DHODH: variants seen among roughly 807,000 people sequenced by gnomAD.
DHODH encodes the protein dihydroorotate dehydrogenase (quinone), mitochondrial.
A neutral mutation model predicts 39.7 loss-of-function variants in DHODH; 30 were observed. The observed-to-expected ratio is 0.76, with a 90% CI of 0.57 to 1.02. The LOEUF (loss-of-function observed/expected upper bound fraction) is 1.02, where lower values mean the gene tolerates loss of function less well. DHODH is among the 50% of genes least tolerant of loss of function. The pLI is 0.00. For missense variants in DHODH, 531 were observed against 520.8 expected (o/e 1.02, Z -0.19); for synonymous variants, 222 against 213.8 (o/e 1.04, Z -0.34).
chr16:72,022,503 G>T, intron 6 of DHODH, 28 bp downstream of exon 6: 1 of 1,531,482 alleles, frequency 6.5e-7, no homozygotes, highest in Non-Finnish European at 8.8e-7. Context: ...GGCCCAGGGT[G>T]TGCCTCCCAT....
At position 72,023,006 on chromosome 16, in the gene DHODH, T is replaced by C. The variant is rs142930550; in HGVS notation, c.820-159T>C. 1.9e-4 allele frequency among the ~76,000 whole-genome samples: 29 copies of C among 152,312 alleles called. No individual in the cohort carries two copies. In the South Asian group the frequency reaches 3.1e-3, roughly 16 times the overall value. ...GTCATGTTATGGCTCATTCTAAAAC[T>C]TGTTGAGGAAAAGATGAGTAGTGAG... On this transcript the variant is annotated intron_variant, in intron 6 of 8. Transcript: ENST00000219240.
chr16:72,014,756 T>A, intron 3 of DHODH, 84 bp downstream of exon 3: 1 of 1,351,326 alleles, frequency 7.4e-7, no homozygotes, highest in Non-Finnish European at 1.0e-6. Context: ...CTCTGTTTTT[T>A]TTCTCTCATA....
intron 3 of DHODH, 65 bp from the exon 4 acceptor site, chr16:72,016,959 A>T: frequency 6.9e-7 from 1 of 1,444,246 alleles, no homozygotes; most frequent in Non-Finnish European, 9.7e-7. Flanking sequence ...AAAAAGTCCT[A>T]AGTGTATGGG....
At chr16:72,017,797 G>A (rs2041159178) in intron 4 of DHODH, among the ~76,000 whole-genome samples, 1 of 47,982 alleles carries the variant, frequency 2.1e-5, no homozygotes, top group Admixed American at 1.5e-4. Flanking sequence ...TTGAGACGGA[G>A]TCTCGCTCTG....
chr16:72,015,737 C>A, intron 3 of DHODH: 1 of 985,438 alleles, frequency 1.0e-6, no homozygotes, highest in Non-Finnish European at 1.2e-6. Context: ...GCTTAACATT[C>A]AGCTGCTACA....
chr16:72,024,614 G>A lies in DHODH; in HGVS notation c.*415G>A, dbSNP rs1441030396. The A allele has an allele frequency of 1.6e-5, 3 of 188,970 alleles. No individual in the cohort carries two copies. Among genetic ancestry groups the A allele is most frequent in the Non-Finnish European group, 3.3e-5 (3 of 90,050 alleles). 11.7% of individuals were successfully genotyped at this position (188,970 alleles called of 1,614,324 possible). ...CAGTGGGCTTCCCAGGAACTTGACTGTCTTTCATTTGATCTTTATTTTTGT... is the reference window on the plus strand; with the variant it reads ...CAGTGGGCTTCCCAGGAACTTGACTATCTTTCATTTGATCTTTATTTTTGT... On this transcript the variant is annotated 3_prime_UTR_variant, in exon 9 of 9. Transcript: ENST00000219240.
intron 8 of DHODH, 151 bp downstream of exon 8, chr16:72,023,784 CTT>C (rs2041250597): frequency 1.7e-6 from 2 of 1,158,622 alleles, no homozygotes; most frequent in Admixed American, 4.1e-5. Context: ...CTGGGTTACT[CTT>C]TTGATGAAGG....
At position 72,014,700 on chromosome 16, in the gene DHODH, G is replaced by T. The variant is rs570031927; in HGVS notation, c.434+28G>T. 7.4e-6 allele frequency: 12 copies of T among 1,611,466 alleles called. No homozygotes were observed. The African/African-American group carries it at 1.1e-4, about 14-fold the overall frequency. ...AGGTGAGCGGCCCAGAGTTAACGGG[G>T]GATGCCCTCTTTCCAGCTGGGGGCG... On this transcript the variant is annotated intron_variant, in intron 3 of 8. Coordinates refer to ENST00000219240, the MANE Select transcript of DHODH (RefSeq NM_001361.5).
chr16:72,016,845 C>A, intron 3 of DHODH, 179 bp from the exon 4 acceptor site: 1 of 644,056 alleles, frequency 1.6e-6, no homozygotes, highest in East Asian at 3.0e-5. Flanking sequence ...TTAATCTTTC[C>A]CTGGGTATTG....
intron 5 of DHODH, among the ~76,000 whole-genome samples, chr16:72,022,042 C>T (rs1367461477): frequency 2.0e-5 from 3 of 148,132 alleles, no homozygotes; most frequent in East Asian, 2.0e-4. Flanking sequence ...TACAGTGAGC[C>T]GTGATCATGC....
In DHODH at chr16:72,014,516, T is replaced by C. The variant is rs779067635; in HGVS notation, c.278T>C (p.Ile93Thr). Residue 93 changes from isoleucine to threonine, a missense_variant, in exon 3 of 9, where the codon ATT becomes ACT. Ile to Thr is a moderately conservative substitution (Grantham distance 89, BLOSUM62 -1). Transcript: ENST00000219240. ...LGHKFRNPVG[I>T]AAGFDKHGEA... ...CATAAATTCCGAAATCCAGTAGGAA[T>C]TGCTGCAGGATTTGACAAGCATGGG... The C allele has an allele frequency of 6.2e-7, 1 of 1,614,160 alleles. No individual in the cohort carries two copies. Among genetic ancestry groups the C allele is most frequent in the Non-Finnish European group, 8.5e-7 (1 of 1,180,034 alleles).
intron 1 of DHODH, among the ~76,000 whole-genome samples, chr16:72,009,509 CAAAAAAAAA>C (rs56347696): frequency 3.1e-4 from 15 of 48,138 alleles, no homozygotes; most frequent in Admixed American, 1.7e-3. Flanking sequence ...GACTCCGTCT[CAAAAAAAAA>C]AAAAAAAAAA....
chr16:72,012,009 G>C (rs1028657834), intron 1 of DHODH, 41 bp from the exon 2 acceptor site: 3 of 1,577,064 alleles, frequency 1.9e-6, no homozygotes, highest in Non-Finnish European at 8.7e-7. Flanking sequence ...GGGTGCTGCA[G>C]CCTGGCCTGG....
At chr16:72,012,956 G>A (rs551291283) in intron 2 of DHODH, among the ~76,000 whole-genome samples, 14 of 152,300 alleles carry the variant, frequency 9.2e-5, no homozygotes, top group Non-Finnish European at 1.8e-4. Flanking sequence ...GCAGCAAACC[G>A]AATAAAAGAG....
Position 72,022,478 on chromosome 16 carries a change from T to C in DHODH, c.819+3T>C, listed in dbSNP as rs774907041. On this transcript the variant is annotated splice_donor_region_variant and intron_variant, in intron 6 of 8. Coordinates refer to ENST00000219240, the MANE Select transcript of DHODH (RefSeq NM_001361.5). ...ACATTGCCAGTGTGGTCAAAGAGGTTTGAGTCGGGGCCTGGGCCCAGGGTG... is the reference window on the plus strand; with the variant it reads ...ACATTGCCAGTGTGGTCAAAGAGGTCTGAGTCGGGGCCTGGGCCCAGGGTG... The C allele has an allele frequency of 1.0e-5, 16 of 1,549,834 alleles. No homozygotes were observed. In the Admixed American group the frequency reaches 2.9e-4, roughly 28 times the overall value.
intron 5 of DHODH, among the ~76,000 whole-genome samples, chr16:72,022,107 A>AAAAAT (rs1297471066): frequency 2.0e-5 from 3 of 152,002 alleles, no homozygotes; most frequent in Non-Finnish European, 2.9e-5. Flanking sequence ...AAAAAAAAAA[A>AAAAAT]AAAAAGAAAA....
chr16:72,024,047 G>A, intron 8 of DHODH, 98 bp from the exon 9 acceptor site: 1 of 1,256,648 alleles, frequency 8.0e-7, no homozygotes, highest in East Asian at 2.3e-5. Flanking sequence ...ATGTGCCTGG[G>A]CCGGGATGAT....
intron 4 of DHODH, 23 bp from the exon 5 acceptor site, chr16:72,021,101 G>A (rs1330762587): frequency 6.3e-7 from 1 of 1,591,040 alleles, no homozygotes; most frequent in Non-Finnish European, 8.6e-7. Context: ...GCGGGGTGCA[G>A]GCCTGACCAG....
chr16:72,020,371 A>ATATATTT (rs1455738856), intron 4 of DHODH: 8 of 89,098 alleles, frequency 9.0e-5, no homozygotes, highest in East Asian at 5.3e-4. Flanking sequence ...ATATATATAT[A>ATATATTT]TTTTTTTTTT....
Sources: allele counts gnomAD v4.1 joint callset (sites outside exome capture counted in the v4.1 genomes callset), GRCh38; gene constraint gnomAD v4.1.1; transcripts MANE v1.5; gene names NCBI Gene and HGNC (gene_info 2026-07-23, HGNC 2026-07-21).